Variants in HOMER2 observed in about 807,000 individuals in gnomAD.
The protein encoded by HOMER2 is homer protein homolog 2.
HOMER2 carries 27 observed loss-of-function variants against 47.0 expected under a neutral mutation model. That is an observed-to-expected ratio of 0.57 (90% CI 0.42 to 0.79). The LOEUF is 0.79. Ranked by LOEUF, HOMER2 falls within the 30% of genes least tolerant of loss-of-function variation. The pLI is 0.00. For synonymous variants in HOMER2, 161 were observed against 163.8 expected, an observed-to-expected ratio of 0.98 and a Z score of 0.13; for missense variants, 443 against 435.0, an observed-to-expected ratio of 1.02 and a Z score of -0.16.
chr15:82,898,471 A>G (rs1354114186), intron 1 of HOMER2: 1 of 152,212 alleles, frequency 6.6e-6, no homozygotes, highest in Middle Eastern at 3.2e-3. Context: ...TTCCTTCTTC[A>G]GTGCTTTAAA....
At chr15:82,882,518 G>A (rs923411574) in intron 2 of HOMER2, among the ~76,000 whole-genome samples, 2 of 152,244 alleles carry the variant, frequency 1.3e-5, no homozygotes, top group African/African-American at 2.4e-5. Flanking sequence ...ACCCACTCAT[G>A]TCTTTAGACA....
In HOMER2 at chr15:82,841,742, A is replaced by C. The variant is rs564183511; in HGVS notation, c.*5532T>G. 7.2e-5 allele frequency: 11 copies of C among 152,360 alleles called. No homozygotes were observed. In the East Asian group the frequency reaches 2.1e-3, roughly 29 times the overall value. The allele number at this position is 152,360 out of a possible 1,614,324, so 9.4% of individuals were successfully genotyped here. A position where few individuals can be genotyped will look rare whatever the true frequency, so the allele number is the denominator to read the frequency against. On this transcript the variant is annotated 3_prime_UTR_variant, in exon 2 of 2. Coordinates refer to the HOMER2 transcript ENST00000558090. ...AACAGCAAAACCTTTAGAATAATTC[A>C]GTAACTGGCTAGTTACAAAATCAAT...
At chr15:82,854,618 G>A (rs1465861566) in intron 6 of HOMER2, 26 bp downstream of exon 6, 2 of 1,598,554 alleles carry the variant, frequency 1.3e-6, no homozygotes. Context: ...GCTGGCCTCG[G>A]GGCTCACTGC....
upstream of HOMER2, among the ~76,000 whole-genome samples, chr15:82,953,407 A>T (rs1246107132): frequency 6.6e-6 from 1 of 152,150 alleles, no homozygotes; most frequent in Admixed American, 6.5e-5. Flanking sequence ...GCAAAAGTAG[A>T]ACTTGAAGAA....
upstream of HOMER2, chr15:82,986,126 T>C (rs373424331): frequency 5.6e-5 from 55 of 984,880 alleles, 1 homozygote; most frequent in East Asian, 3.1e-3. Flanking sequence ...AAGCGATCTG[T>C]TGCAAAGCGA....
chr15:82,955,171 C>CTTTTTTT (rs537098552), upstream of HOMER2, among the ~76,000 whole-genome samples: 18 of 133,796 alleles, frequency 1.3e-4, no homozygotes, highest in African/African-American at 1.7e-4. Context: ...TTTTCTTTTT[C>CTTTTTTT]TTTTTTTTTT....
chr15:82,903,307 G>A (rs988787147), intron 1 of HOMER2, among the ~76,000 whole-genome samples: 10 of 152,052 alleles, frequency 6.6e-5, no homozygotes, highest in Admixed American at 5.9e-4. Flanking sequence ...CTTGGAAGTC[G>A]CCACTCCATT....
At chr15:82,876,111 C>A (rs2052342221) in intron 2 of HOMER2, among the ~76,000 whole-genome samples, 1 of 152,164 alleles carries the variant, frequency 6.6e-6, no homozygotes, top group Non-Finnish European at 1.5e-5. Context: ...CAGCACATGG[C>A]AACCTCACAG....
chr15:82,834,899 G>A (rs772637069), downstream of HOMER2: 1 of 151,906 alleles, frequency 6.6e-6, no homozygotes, highest in Non-Finnish European at 1.5e-5. Flanking sequence ...AGGAACTGAA[G>A]TCTCATGCTG....
chr15:82,835,788 GA>G (rs2151579462), downstream of HOMER2: 1 of 152,390 alleles, frequency 6.6e-6, no homozygotes, highest in African/African-American at 2.4e-5. Flanking sequence ...AGATCCCAGA[GA>G]CAGGTCCAGT....
chr15:82,948,955 G>C (rs1243494763), intron 1 of HOMER2, among the ~76,000 whole-genome samples: 1 of 152,230 alleles, frequency 6.6e-6, no homozygotes, highest in East Asian at 1.9e-4. Context: ...TAGGAAAGAG[G>C]TGATGGTGGC....
At chr15:82,956,202 T>C (rs2054585896), upstream of HOMER2, among the ~76,000 whole-genome samples, 1 of 145,328 alleles carries the variant, frequency 6.9e-6, no homozygotes, top group African/African-American at 2.6e-5. Flanking sequence ...ATTGCATCAC[T>C]GCACTCCAGC....
At chr15:82,977,243 G>C (rs747453134) in intron 1 of HOMER2, among the ~76,000 whole-genome samples, 2 of 152,182 alleles carry the variant, frequency 1.3e-5, no homozygotes, top group East Asian at 3.8e-4. Flanking sequence ...TAGTCATAGG[G>C]AGGTTGTTAA....
chr15:82,929,361 G>T (rs904093278), intron 1 of HOMER2, among the ~76,000 whole-genome samples: 15 of 152,058 alleles, frequency 9.9e-5, no homozygotes, highest in African/African-American at 3.4e-4. Context: ...CTGAGCAAAA[G>T]AAATCCATAG....
In HOMER2 at chr15:82,928,940, T is replaced by TAAAAAAAAA; in HGVS notation, c.5+23582_5+23590dup. 2.8e-4 allele frequency among the ~76,000 whole-genome samples: 11 copies of TAAAAAAAAA among 39,920 alleles called. 1 individual carries two copies. The highest frequency in any genetic ancestry group is 7.8e-4 in the Admixed American group (2 of 2,570). The allele number at this position is 39,920 out of a possible 152,430, so 26.2% of individuals were successfully genotyped here. A position where few individuals can be genotyped will look rare whatever the true frequency, so the allele number is the denominator to read the frequency against. ...TAACAACTGGCAAAAAAATAAAAAC[T>TAAAAAAAAA]AAAAAAAAAAAAAAAAAAAAGCTGT... On this transcript the variant is annotated intron_variant, in intron 1 of 8. Transcript: ENST00000450735.
chr15:82,889,597 G>C (rs914496534), intron 2 of HOMER2, among the ~76,000 whole-genome samples: 13 of 152,202 alleles, frequency 8.5e-5, no homozygotes, highest in African/African-American at 3.1e-4. Context: ...CGATCCATCT[G>C]GAGTATTCAG....
intron 6 of HOMER2, 112 bp from the exon 7 acceptor site, chr15:82,852,364 T>G: frequency 1.4e-6 from 1 of 723,816 alleles, no homozygotes; most frequent in Non-Finnish European, 2.3e-6. Context: ...CCTAAACTAA[T>G]CCACTTATAA....
chr15:82,899,361 G>T (rs2053038557), intron 1 of HOMER2, among the ~76,000 whole-genome samples: 1 of 152,168 alleles, frequency 6.6e-6, no homozygotes, highest in Non-Finnish European at 1.5e-5. Flanking sequence ...CAAGGGACTG[G>T]AAGCATGGGC....
At chr15:82,962,030 C>T (rs2054633939) in intron 1 of HOMER2, among the ~76,000 whole-genome samples, 2 of 151,710 alleles carry the variant, frequency 1.3e-5, no homozygotes. Flanking sequence ...TCCCAAAGTG[C>T]TGGAATTACA....
Sources: gnomAD v4.1 joint callset for allele counts (sites outside exome capture counted in the v4.1 genomes callset) on GRCh38, gnomAD v4.1.1 for gene constraint, MANE v1.5 for transcripts, NCBI Gene and HGNC (gene_info 2026-07-23, HGNC 2026-07-21) for gene names.